The following DMRT1 variants were observed in gnomAD, a reference collection of about 807,000 sequenced individuals.
DMRT1 encodes doublesex and mab-3 related transcription factor 1, also known as doublesex- and mab-3-related transcription factor 1.
DMRT1 carries 7 observed loss-of-function variants against 32.3 expected under a neutral mutation model. The ratio of observed to expected loss-of-function variants is 0.22; its 90% CI spans 0.12 to 0.41. The LOEUF is 0.41. Among genes scored for constraint, DMRT1 ranks in the 10% least tolerant of loss-of-function variants. The probability of loss-of-function intolerance (pLI) is 1.00; values close to 1 mark genes in which losing one functional copy is unlikely to be tolerated. For synonymous variants in DMRT1, 278 were observed against 206.1 expected (o/e 1.35, Z -2.99); for missense variants, 625 against 500.5 (o/e 1.25, Z -2.37).
rs1203898911 is a variant in DMRT1, at chr9:965,876, C to T, written c.968-2109C>T. 1.3e-5 allele frequency among the ~76,000 whole-genome samples: 2 copies of T among 152,134 alleles called. No individual in the cohort carries two copies. The highest frequency in any genetic ancestry group is 6.6e-5 in the Admixed American group (1 of 15,266). On this transcript the variant is annotated intron_variant, in intron 4 of 4. Coordinates refer to ENST00000382276, the MANE Select transcript of DMRT1 (RefSeq NM_021951.3). This position sits in a 1 kb window ranked among gnomAD's most constrained non-coding sequence, Gnocchi z 4.5. ...GCTTGCACAGGATCCCTGTGTTAAA[C>T]GGGGAGAGTAATTCTCTCAGTGAAT... is the stretch of plus-strand genomic sequence containing the variant.
At chr9:964,453 AC>A (rs1819869312) in intron 4 of DMRT1, among the ~76,000 whole-genome samples, 1 of 152,082 alleles carries the variant, frequency 6.6e-6, no homozygotes, top group South Asian at 2.1e-4. Flanking sequence ...TCGGAGGTTT[AC>A]CCACCTTTCA....
At chr9:880,842 C>T (rs1816707892) in intron 2 of DMRT1, among the ~76,000 whole-genome samples, 1 of 152,090 alleles carries the variant, frequency 6.6e-6, no homozygotes, top group Non-Finnish European at 1.5e-5. Flanking sequence ...TGCCCGTCAC[C>T]ACAGCAAAAA....
intron 1 of DMRT1, among the ~76,000 whole-genome samples, chr9:845,697 C>G (rs987497230): frequency 6.6e-6 from 1 of 152,116 alleles, no homozygotes; most frequent in Non-Finnish European, 1.5e-5. Flanking sequence ...AAATTCCAGC[C>G]CCTTTCCCCA....
rs1004797677 is a variant in DMRT1 at position 943,964 on chromosome 9, G to C, written c.968-24021G>C. Among the ~76,000 whole-genome samples the C allele has an allele frequency of 2.0e-5, 3 of 152,182 alleles. No individual in the cohort carries two copies. The South Asian group carries it at 6.2e-4, about 32-fold the overall frequency. On this transcript the variant is annotated intron_variant, in intron 4 of 4. Transcript: ENST00000382276. Reference sequence around the variant, plus strand: ...CCCTTGTGTTTCTTGGAGTGGGGCAGCATTGCATAATGGTTGAGAGTACTG... The same window carrying C: ...CCCTTGTGTTTCTTGGAGTGGGGCACCATTGCATAATGGTTGAGAGTACTG...
At chr9:948,486 G>A (rs1351870574) in intron 4 of DMRT1, among the ~76,000 whole-genome samples, 12 of 152,046 alleles carry the variant, frequency 7.9e-5, no homozygotes, top group Admixed American at 7.9e-4. Context: ...ACCATTAGAT[G>A]CCCTAGAGTC....
At chr9:869,218 A>G (rs1816124971) in intron 2 of DMRT1, among the ~76,000 whole-genome samples, 1 of 152,164 alleles carries the variant, frequency 6.6e-6, no homozygotes, top group Non-Finnish European at 1.5e-5. Flanking sequence ...TACTAAGGCC[A>G]CAGCTTTTGC....
chr9:870,180 C>G (rs1393627355), intron 2 of DMRT1, among the ~76,000 whole-genome samples: 1 of 152,104 alleles, frequency 6.6e-6, no homozygotes, highest in Non-Finnish European at 1.5e-5. Context: ...GGTGGATCAC[C>G]TGAGGTCAGG....
At chr9:877,902 G>C (rs1037029566) in intron 2 of DMRT1, among the ~76,000 whole-genome samples, 5 of 152,184 alleles carry the variant, frequency 3.3e-5, no homozygotes, top group Non-Finnish European at 7.3e-5. Context: ...TTCTGGATAA[G>C]TGTGCCTGTA....
chr9:872,238 T>G (rs1481578153), intron 2 of DMRT1, among the ~76,000 whole-genome samples: 1 of 151,756 alleles, frequency 6.6e-6, no homozygotes, highest in Non-Finnish European at 1.5e-5. Flanking sequence ...ATTTTTTGTA[T>G]TTTTAGTAGA....
chr9:916,252 G>T (rs10977474), intron 3 of DMRT1, among the ~76,000 whole-genome samples: 5,128 of 152,258 alleles, frequency 0.034, 286 homozygotes, highest in African/African-American at 0.12. Flanking sequence ...AATTTCAGGG[G>T]TGCTTTAGAG....
At chr9:947,705 C>T (rs1260843041) in intron 4 of DMRT1, among the ~76,000 whole-genome samples, 1 of 152,112 alleles carries the variant, frequency 6.6e-6, no homozygotes, top group East Asian at 1.9e-4. Context: ...CTCACTGCAG[C>T]CTCCGCCTCC....
At chr9:948,602 G>T (rs769854615) in intron 4 of DMRT1, among the ~76,000 whole-genome samples, 2 of 124,646 alleles carry the variant, frequency 1.6e-5, no homozygotes, top group African/African-American at 5.5e-5. Flanking sequence ...AGAAGGCTCC[G>T]CAACAAGTGG....
At chr9:866,717 T>C (rs921459862) in intron 2 of DMRT1, among the ~76,000 whole-genome samples, 1 of 152,084 alleles carries the variant, frequency 6.6e-6, no homozygotes, top group Non-Finnish European at 1.5e-5. Flanking sequence ...TTTAGTGAGT[T>C]TGAGATGTGT....
intron 2 of DMRT1, among the ~76,000 whole-genome samples, chr9:858,358 G>C (rs1360403984): frequency 6.6e-6 from 1 of 152,134 alleles, no homozygotes; most frequent in Non-Finnish European, 1.5e-5. Flanking sequence ...AAGGTCATCT[G>C]TGTCATCAGT....
chr9:849,143 A>T (rs1839034026), intron 2 of DMRT1, among the ~76,000 whole-genome samples: 1 of 152,036 alleles, frequency 6.6e-6, no homozygotes, highest in Non-Finnish European at 1.5e-5. Flanking sequence ...AAGGCTTAGT[A>T]AATGGTAAGG....
chr9:894,814 TG>T (rs1586580679), intron 3 of DMRT1: 1 of 160,786 alleles, frequency 6.2e-6, no homozygotes, highest in African/African-American at 2.4e-5. Flanking sequence ...TTTGTTTGTT[TG>T]TTTTGGTTTG....
chr9:875,314 A>G (rs1019238706), intron 2 of DMRT1, among the ~76,000 whole-genome samples: 1 of 152,196 alleles, frequency 6.6e-6, no homozygotes, highest in Non-Finnish European at 1.5e-5. Context: ...GGTGCTGCCC[A>G]CAGACTTTGC....
Position 847,156 on chromosome 9 carries a change from G to A in DMRT1, c.538+13G>A. ...ACTGCAGCTTCAGGTAATCTGGAGG[G>A]GCTGGGGTTCACATGGAGGCTGGGC... On this transcript the variant is annotated intron_variant, in intron 2 of 4. Coordinates refer to ENST00000382276, the MANE Select transcript of DMRT1 (RefSeq NM_021951.3). 1.2e-6 allele frequency: 2 copies of A among 1,611,162 alleles called. No individual in the cohort carries two copies. The highest frequency in any genetic ancestry group is 2.2e-5 in the East Asian group (1 of 44,832).
intron 3 of DMRT1, among the ~76,000 whole-genome samples, chr9:911,547 C>T (rs936273846): frequency 1.6e-5 from 2 of 121,954 alleles, no homozygotes; most frequent in Non-Finnish European, 3.2e-5. Context: ...GGCTGGAGTG[C>T]AGTGGTGCAA....
Sources: gnomAD v4.1 joint callset for allele counts (sites outside exome capture counted in the v4.1 genomes callset) on GRCh38, gnomAD v4.1.1 for gene constraint, Gnocchi (gnomAD v3.1) non-coding constraint, MANE v1.5 for transcripts, NCBI Gene and HGNC (gene_info 2026-07-23, HGNC 2026-07-21) for gene names.